The following TMPRSS11E variants were observed in gnomAD, a reference collection of about 807,000 sequenced individuals.
The protein encoded by TMPRSS11E is transmembrane protease serine 11E.
In TMPRSS11E, 38 loss-of-function variants were observed where a neutral mutation model predicts 48.1. The ratio of observed to expected loss-of-function variants is 0.79; its 90% CI spans 0.61 to 1.04. The LOEUF is 1.04. TMPRSS11E is among the 50% of genes least tolerant of loss of function. The probability of loss-of-function intolerance (pLI) is 0.00; values close to 1 mark genes in which losing one functional copy is unlikely to be tolerated. For synonymous variants in TMPRSS11E, 158 were observed against 171.9 expected (o/e 0.92, Z 0.63); for missense variants, 530 against 510.8 (o/e 1.04, Z -0.36).
chr4:68,480,576 T>G (rs1729374817), intron 9 of TMPRSS11E, among the ~76,000 whole-genome samples: 1 of 152,144 alleles, frequency 6.6e-6, no homozygotes. Context: ...GTATTTATGA[T>G]GGCTGCTTTA....
At chr4:68,486,357 T>C (rs1230895843) in intron 9 of TMPRSS11E, among the ~76,000 whole-genome samples, 1 of 152,368 alleles carries the variant, frequency 6.6e-6, no homozygotes, top group East Asian at 1.9e-4. Context: ...TTTCATTAAT[T>C]TCAAAGAATT....
intron 6 of TMPRSS11E, 102 bp from the exon 7 acceptor site, chr4:68,476,159 G>A (rs2109696287): frequency 6.8e-7 from 1 of 1,479,050 alleles, no homozygotes; most frequent in African/African-American, 1.4e-5. Flanking sequence ...TACTTTTGGA[G>A]CACAAAGTAG....
intron 5 of TMPRSS11E, 74 bp downstream of exon 5, chr4:68,471,697 A>AT (rs1729076731): frequency 2.0e-5 from 24 of 1,215,322 alleles, no homozygotes; most frequent in South Asian, 4.4e-5. Context: ...TTATTAAAAA[A>AT]TTTTTTTTGA....
At chr4:68,464,565 T>C (rs1407426822) in intron 2 of TMPRSS11E, among the ~76,000 whole-genome samples, 3 of 152,236 alleles carry the variant, frequency 2.0e-5, no homozygotes, top group African/African-American at 4.8e-5. Flanking sequence ...ACTCATACCA[T>C]ATATTTATGG....
intron 9 of TMPRSS11E, among the ~76,000 whole-genome samples, chr4:68,485,769 T>C (rs1729536078): frequency 3.9e-5 from 6 of 152,144 alleles, no homozygotes; most frequent in Admixed American, 2.0e-4. Flanking sequence ...GCTGTGAATC[T>C]CTCTGTTCCA....
At chr4:68,469,015 T>C in intron 4 of TMPRSS11E, 69 bp downstream of exon 4, 1 of 1,152,242 alleles carries the variant, frequency 8.7e-7, no homozygotes, top group Non-Finnish European at 1.3e-6. Flanking sequence ...GCAATAAATA[T>C]GTTTTCAAGT....
chr4:68,497,516 T>C lies in TMPRSS11E; in HGVS notation c.*712T>C, dbSNP rs796991659. 2 of 152,236 alleles carry C rather than the reference T, an allele frequency of 1.3e-5. No homozygotes were observed. The highest frequency in any genetic ancestry group is 6.6e-5 in the Admixed American group (1 of 15,266). The allele number at this position is 152,236 out of a possible 1,614,324, so 9.4% of individuals were successfully genotyped here. On this transcript the variant is annotated 3_prime_UTR_variant, in exon 10 of 10. Coordinates refer to ENST00000305363, the MANE Select transcript of TMPRSS11E (RefSeq NM_014058.4). ...TAATAATTATACAAACTTCATGCAA[T>C]GTACTTGTTCTAAGCAAATTAAAGC...
chr4:68,479,869 G>A (rs1729355919), intron 9 of TMPRSS11E, among the ~76,000 whole-genome samples: 1 of 151,938 alleles, frequency 6.6e-6, no homozygotes, highest in African/African-American at 2.4e-5. Flanking sequence ...GTATGCTGGT[G>A]AAAAATTCTC....
intron 4 of TMPRSS11E, 50 bp downstream of exon 4, chr4:68,468,996 A>G (rs758894579): frequency 1.5e-6 from 2 of 1,314,302 alleles, no homozygotes; most frequent in Non-Finnish European, 2.2e-6. Flanking sequence ...GAAGCTGTTA[A>G]TCTGCTCAGC....
At chr4:68,466,488 C>T (rs1225115153) in intron 2 of TMPRSS11E, 143 bp from the exon 3 acceptor site, 52 of 773,840 alleles carry the variant, frequency 6.7e-5, no homozygotes, top group Non-Finnish European at 1.1e-4. Flanking sequence ...AACTATGAGG[C>T]CTGGGGCAGG....
rs11405512 is a variant in TMPRSS11E, at chr4:68,462,588, G to GAA, written c.136+653_136+654dup. Among the ~76,000 whole-genome samples the GAA allele has an allele frequency of 4.5e-3, 670 of 147,662 alleles. 7 individuals carry two copies. The highest frequency in any genetic ancestry group is 0.015 in the African/African-American group (613 of 40,126). ...AGAGAGAGAGACTCGGTCTCAAAAA[G>GAA]AAAAAAAAAAATCCAACTCGTTGAA... On this transcript the variant is annotated intron_variant, in intron 2 of 9. Transcript: ENST00000305363.
At position 68,495,546 on chromosome 4, in the gene TMPRSS11E, G is replaced by A. The variant is rs1384271426; in HGVS notation, c.1111-1097G>A. Among the ~76,000 whole-genome samples, 3 of 152,038 alleles carry A rather than the reference G, an allele frequency of 2.0e-5. No homozygotes were observed. In the East Asian group the frequency reaches 5.8e-4, roughly 29 times the overall value. On this transcript the variant is annotated intron_variant, in intron 9 of 9. Coordinates refer to ENST00000305363, the MANE Select transcript of TMPRSS11E (RefSeq NM_014058.4). ...TCTTTTTATATCTCCTCCTACATACGAGGGTATCAGTAAATGCTTATTGGT... is the reference window on the plus strand; with the variant it reads ...TCTTTTTATATCTCCTCCTACATACAAGGGTATCAGTAAATGCTTATTGGT...
intron 9 of TMPRSS11E, among the ~76,000 whole-genome samples, chr4:68,494,731 T>C (rs1224861452): frequency 6.6e-6 from 1 of 152,188 alleles, no homozygotes; most frequent in African/African-American, 2.4e-5. Context: ...CCTTTAAAAA[T>C]AGCTTGCACA....
chr4:68,461,244 G>A (rs965408525), intron 1 of TMPRSS11E, among the ~76,000 whole-genome samples: 1 of 152,146 alleles, frequency 6.6e-6, no homozygotes, highest in South Asian at 2.1e-4. Context: ...CTTTAGGAAG[G>A]GGCCTCTGGT....
intron 9 of TMPRSS11E, among the ~76,000 whole-genome samples, chr4:68,483,260 A>G (rs1458877700): frequency 6.6e-6 from 1 of 152,040 alleles, no homozygotes; most frequent in Non-Finnish European, 1.5e-5. Flanking sequence ...AGAGAGAGAG[A>G]GAGTGGGAGG....
rs779306840 is a variant in TMPRSS11E, at chr4:68,471,510, A to T, written c.377A>T (p.His126Leu). Reference protein sequence around the residue: ...LAHMLLICRFHSTEDPETVDK... With the variant: ...LAHMLLICRFLSTEDPETVDK... ...CATATGCTGTTGATTTGTAGATTTC[A>T]CTCTACTGAGGATCCTGAAACTGTA... The change falls in exon 5 of 10, where the codon CAC becomes CTC. Residue 126 changes from histidine (H) to leucine (L), a missense_variant. Transcript: ENST00000305363. 2 of 1,603,418 alleles carry T rather than the reference A, an allele frequency of 1.2e-6. No individual in the cohort carries two copies. Among genetic ancestry groups the T allele is most frequent in the Non-Finnish European group, 1.7e-6 (2 of 1,175,882 alleles).
intron 2 of TMPRSS11E, 94 bp downstream of exon 2, chr4:68,462,039 C>A: frequency 6.7e-7 from 1 of 1,492,366 alleles, no homozygotes; most frequent in Non-Finnish European, 9.2e-7. Context: ...TCATTTATCA[C>A]TACGATTCAT....
intron 8 of TMPRSS11E, among the ~76,000 whole-genome samples, 175 bp from the exon 9 acceptor site, chr4:68,478,674 T>A (rs1157628452): frequency 2.0e-5 from 3 of 151,690 alleles, no homozygotes; most frequent in Non-Finnish European, 4.4e-5. Flanking sequence ...AAGCTGGTCT[T>A]GAACTCCTGG....
At chr4:68,469,685 CTT>C (rs1729012353) in intron 4 of TMPRSS11E, among the ~76,000 whole-genome samples, 2 of 151,862 alleles carry the variant, frequency 1.3e-5, no homozygotes. Context: ...TTAAGTTTCA[CTT>C]TCTCAAAGGG....
Sources: allele counts gnomAD v4.1 joint callset (sites outside exome capture counted in the v4.1 genomes callset), GRCh38; gene constraint gnomAD v4.1.1; transcripts MANE v1.5; gene names NCBI Gene and HGNC (gene_info 2026-07-23, HGNC 2026-07-21).